PAMR1: variants seen among roughly 807,000 people sequenced by gnomAD.
The protein encoded by PAMR1 is peptidase domain containing associated with muscle regeneration 1.
Under a neutral mutation model 81.8 loss-of-function variants are expected in PAMR1, and 88 were observed. The observed-to-expected ratio is 1.08, with a 90% CI of 0.91 to 1.28. The LOEUF is 1.28. Among genes scored for constraint, PAMR1 ranks in the 50% most tolerant of loss-of-function variants. PAMR1 has a pLI of 0.00. For synonymous variants in PAMR1, 336 were observed against 345.3 expected, an observed-to-expected ratio of 0.97 and a Z score of 0.30; for missense variants, 935 against 919.7, an observed-to-expected ratio of 1.02 and a Z score of -0.21.
chr11:35,469,783 C>A (rs555558970), intron 5 of PAMR1, among the ~76,000 whole-genome samples: 1 of 150,758 alleles, frequency 6.6e-6, no homozygotes, highest in African/African-American at 2.4e-5. Flanking sequence ...AATACCATTA[C>A]GAGTTCTTTT....
intron 6 of PAMR1, among the ~76,000 whole-genome samples, chr11:35,460,731 A>G (rs1366775670): frequency 6.6e-6 from 1 of 152,120 alleles, no homozygotes; most frequent in African/African-American, 2.4e-5. Context: ...TCATTGTTGG[A>G]CATTTGGGTT....
intron 4 of PAMR1, among the ~76,000 whole-genome samples, chr11:35,471,129 G>A (rs901681499): frequency 6.6e-6 from 1 of 152,174 alleles, no homozygotes; most frequent in African/African-American, 2.4e-5. Flanking sequence ...AGTCTGTGTG[G>A]CTGGTTCCTT....
chr11:35,438,047 C>T (rs571272733), intron 8 of PAMR1, among the ~76,000 whole-genome samples: 85 of 152,320 alleles, frequency 5.6e-4, no homozygotes, highest in African/African-American at 1.9e-3. Flanking sequence ...GTTACTATTT[C>T]TAACAATAGG....
At chr11:35,456,126 T>C (rs1856526042) in intron 6 of PAMR1, among the ~76,000 whole-genome samples, 1 of 152,164 alleles carries the variant, frequency 6.6e-6, no homozygotes, top group Non-Finnish European at 1.5e-5. Context: ...GTAGGGAGAA[T>C]AAATACATAT....
In PAMR1 at chr11:35,432,061, G is replaced by C. The variant is rs1293813007; in HGVS notation, c.*295C>G. 2.9e-6 allele frequency: 1 copy of C among 342,676 alleles called. No homozygotes were observed. Among genetic ancestry groups the C allele is most frequent in the Non-Finnish European group, 5.4e-6 (1 of 186,650 alleles). The allele number at this position is 342,676 out of a possible 1,614,324, so 21.2% of individuals were successfully genotyped here. On this transcript the variant is annotated 3_prime_UTR_variant, in exon 11 of 11. Transcript: ENST00000619888. ...TGGCATTCGTATAACTGAAAGTTGG[G>C]GAAGACCACCAGGTCAGTGGAGTGG...
chr11:35,527,637 G>A (rs1279752684), upstream of PAMR1, among the ~76,000 whole-genome samples: 1 of 152,174 alleles, frequency 6.6e-6, no homozygotes, highest in Non-Finnish European at 1.5e-5. Flanking sequence ...TGATGGGAGT[G>A]GGAAGAAGAT....
intron 3 of PAMR1, among the ~76,000 whole-genome samples, chr11:35,488,009 G>A (rs935415176): frequency 4.6e-5 from 7 of 152,044 alleles, no homozygotes; most frequent in African/African-American, 1.4e-4. Context: ...TCTCAGCCTA[G>A]GACAGAAAAG....
intron 3 of PAMR1, among the ~76,000 whole-genome samples, chr11:35,480,955 G>A (rs961080211): frequency 7.2e-5 from 11 of 152,126 alleles, no homozygotes; most frequent in African/African-American, 2.7e-4. Context: ...ACATGTGGTG[G>A]TTGGTTTTCT....
chr11:35,478,113 T>C lies in PAMR1; in HGVS notation c.380-3369A>G, dbSNP rs145088559. ...GAACCAGCAGCAAATCCTGCCAGCC[T>C]GCTCCCAGTTTCTTCTCTCCATATG... On this transcript the variant is annotated intron_variant, in intron 3 of 10. Transcript: ENST00000619888. Among the ~76,000 whole-genome samples, 230 of 152,326 alleles carry C rather than the reference T, an allele frequency of 1.5e-3. 1 individual carries two copies. Among genetic ancestry groups the C allele is most frequent in the African/African-American group, 5.3e-3 (219 of 41,578 alleles).
chr11:35,502,241 AAATTT>A lies in PAMR1; in HGVS notation c.74-7974_74-7970del, dbSNP rs563905826. ...CTATTCAGATCTTTTGCCCATTTTT[AAATTT>A]AATTAATTAATTAATTAATTTTTAA... is the stretch of plus-strand genomic sequence containing the variant. On this transcript the variant is annotated intron_variant, in intron 1 of 10. Transcript: ENST00000619888. 3.3e-3 allele frequency among the ~76,000 whole-genome samples: 495 copies of A among 152,032 alleles called. 4 individuals carry two copies. The highest frequency in any genetic ancestry group is 0.011 in the African/African-American group (471 of 41,426).
chr11:35,506,604 T>C (rs1294266609), intron 1 of PAMR1, among the ~76,000 whole-genome samples: 2 of 152,014 alleles, frequency 1.3e-5, no homozygotes, highest in Non-Finnish European at 2.9e-5. Flanking sequence ...TTGTTTTTTT[T>C]TCAGCACTTT....
intron 4 of PAMR1, among the ~76,000 whole-genome samples, chr11:35,471,602 A>C (rs1158187817): frequency 6.8e-6 from 1 of 147,668 alleles, no homozygotes; most frequent in Non-Finnish European, 1.5e-5. Flanking sequence ...TCACCCAAAG[A>C]GTAGAGAAAG....
intron 5 of PAMR1, 35 bp downstream of exon 5, chr11:35,470,566 C>A (rs771429521): frequency 1.3e-6 from 2 of 1,486,816 alleles, no homozygotes; most frequent in African/African-American, 1.4e-5. Context: ...CTGGAGCAAG[C>A]CATAAAATGC....
At chr11:35,500,854 TA>T (rs1850821595) in intron 1 of PAMR1, among the ~76,000 whole-genome samples, 1 of 152,052 alleles carries the variant, frequency 6.6e-6, no homozygotes, top group East Asian at 1.9e-4. Flanking sequence ...CTGGTGTATC[TA>T]AACATATCTA....
chr11:35,477,818 G>A (rs1285091074), intron 3 of PAMR1, among the ~76,000 whole-genome samples: 1 of 152,070 alleles, frequency 6.6e-6, no homozygotes, highest in Non-Finnish European at 1.5e-5. Context: ...TTTTGAAACG[G>A]CAGAATTTTT....
At chr11:35,493,757 C>T (rs1356092645) in intron 2 of PAMR1, among the ~76,000 whole-genome samples, 2 of 152,190 alleles carry the variant, frequency 1.3e-5, no homozygotes, top group Non-Finnish European at 2.9e-5. Context: ...GCCTGTTCTC[C>T]ATATCCCCCC....
At chr11:35,486,930 C>T (rs1850521162) in intron 3 of PAMR1, among the ~76,000 whole-genome samples, 1 of 152,182 alleles carries the variant, frequency 6.6e-6, no homozygotes, top group Non-Finnish European at 1.5e-5. Context: ...CTACTTCACT[C>T]ATTGGGAACT....
At chr11:35,503,654 CTTGAT>C (rs1189731431) in intron 1 of PAMR1, among the ~76,000 whole-genome samples, 1 of 151,938 alleles carries the variant, frequency 6.6e-6, no homozygotes, top group Non-Finnish European at 1.5e-5. Context: ...GGGTTACTTT[CTTGAT>C]TTGTTTTTCA....
At chr11:35,512,313 A>G (rs1851088606) in intron 1 of PAMR1, among the ~76,000 whole-genome samples, 1 of 152,130 alleles carries the variant, frequency 6.6e-6, no homozygotes, top group African/African-American at 2.4e-5. Flanking sequence ...ATACCAGCTC[A>G]TTATATTCTC....
Sources: allele counts gnomAD v4.1 joint callset (sites outside exome capture counted in the v4.1 genomes callset), GRCh38; gene constraint gnomAD v4.1.1; transcripts MANE v1.5; gene names NCBI Gene and HGNC (gene_info 2026-07-23, HGNC 2026-07-21).